The following SCAF4 variants were observed in gnomAD, a reference collection of about 807,000 sequenced individuals.
SCAF4 encodes SR-related CTD associated factor 4, also known as SR-related and CTD-associated factor 4.
SCAF4 carries 25 observed loss-of-function variants against 129.8 expected under a neutral mutation model. The ratio of observed to expected loss-of-function variants is 0.19; its 90% CI spans 0.14 to 0.27. The LOEUF (loss-of-function observed/expected upper bound fraction) is 0.27. Ranked by LOEUF, SCAF4 falls within the 10% of genes least tolerant of loss-of-function variation. The probability of loss-of-function intolerance (pLI) is 1.00; values close to 1 mark genes in which losing one functional copy is unlikely to be tolerated. For synonymous variants in SCAF4, 551 were observed against 497.7 expected (o/e 1.11, Z -1.43); for missense variants, 1,246 against 1,457.1 (o/e 0.86, Z 2.36).
At chr21:31,686,407 A>G (rs75792614) in intron 16 of SCAF4, among the ~76,000 whole-genome samples, 2,929 of 152,236 alleles carry the variant, frequency 0.019, 93 homozygotes, top group African/African-American at 0.067. Context: ...ACAATGGCTA[A>G]GATCACAGGT....
chr21:31,706,383 AG>A (rs1266339266), intron 1 of SCAF4, 26 bp from the exon 2 acceptor site: 2 of 1,493,672 alleles, frequency 1.3e-6, no homozygotes, highest in South Asian at 1.2e-5. Flanking sequence ...ACAAACAAAA[AG>A]TAAAGTTTAA....
chr21:31,704,594 C>T (rs147265653), intron 3 of SCAF4, among the ~76,000 whole-genome samples: 196 of 151,148 alleles, frequency 1.3e-3, no homozygotes, highest in African/African-American at 4.6e-3. Flanking sequence ...CTGTAACAAC[C>T]GCAGAGGAGT....
In SCAF4 at chr21:31,690,962, C is replaced by T. The variant is rs773632592; in HGVS notation, c.1729-9G>A. On this transcript the variant is annotated splice_polypyrimidine_tract_variant and intron_variant, in intron 14 of 19. Transcript: ENST00000286835. ...TTTAAGGCCCAGGCAATCTATTTCACCATTAGTGAAAATATAAAAAGAAAA... is the reference window on the plus strand; with the variant it reads ...TTTAAGGCCCAGGCAATCTATTTCATCATTAGTGAAAATATAAAAAGAAAA... 8.1e-6 allele frequency: 13 copies of T among 1,596,260 alleles called. No homozygotes were observed. Among genetic ancestry groups the T allele is most frequent in the Middle Eastern group, 1.7e-4 (1 of 5,978 alleles).
intron 1 of SCAF4, among the ~76,000 whole-genome samples, chr21:31,731,282 T>C (rs2051348728): frequency 2.0e-5 from 3 of 152,288 alleles, no homozygotes; most frequent in South Asian, 4.1e-4. Context: ...GCTTCTTTCT[T>C]AGCCCTTTGC....
chr21:31,673,665 T>C (rs972850239), intron 19 of SCAF4, among the ~76,000 whole-genome samples: 4 of 152,220 alleles, frequency 2.6e-5, no homozygotes, highest in African/African-American at 4.8e-5. Flanking sequence ...ACCGAGTATA[T>C]ACCATACACT....
intron 14 of SCAF4, among the ~76,000 whole-genome samples, 200 bp downstream of exon 14, chr21:31,691,617 C>T (rs528275698): frequency 7.5e-5 from 11 of 147,228 alleles, no homozygotes; most frequent in Non-Finnish European, 1.3e-4. Flanking sequence ...CTACCATGCA[C>T]GTAACATTTA....
intron 19 of SCAF4, among the ~76,000 whole-genome samples, chr21:31,680,172 G>C (rs2049964241): frequency 6.6e-6 from 1 of 152,132 alleles, no homozygotes; most frequent in South Asian, 2.1e-4. Flanking sequence ...TTGCACTCTG[G>C]AGCAGCCTAA....
intron 15 of SCAF4, 64 bp downstream of exon 15, chr21:31,690,733 C>A: frequency 1.4e-6 from 2 of 1,449,960 alleles, no homozygotes; most frequent in Non-Finnish European, 1.9e-6. Flanking sequence ...ACAGGACATT[C>A]GATTTGTCAT....
chr21:31,671,758 CACGGTTACTATTATCTCTATCATCATT>C lies in SCAF4; in HGVS notation c.3058_3084del (p.Asn1020_Arg1028del), dbSNP rs987814767. ...CTCCTCCTTCCCCACTCTCTCCTGT[CACGGTTACTATTATCTCTATCATCATT>C]ACGGTTCCCATACCGTTCCCGGTCA... On this transcript the variant is annotated inframe_deletion, in exon 20 of 20. Transcript: ENST00000286835. The C allele has an allele frequency of 1.3e-5, 21 of 1,614,198 alleles. No homozygotes were observed. The highest frequency in any genetic ancestry group is 1.8e-5 in the Non-Finnish European group (21 of 1,180,020).
chr21:31,672,417 G>T, intron 19 of SCAF4, 63 bp from the exon 20 acceptor site: 2 of 1,255,682 alleles, frequency 1.6e-6, no homozygotes, highest in Non-Finnish European at 2.3e-6. Flanking sequence ...TTTCAGCTGT[G>T]TTCTGTGGCG....
intron 7 of SCAF4, among the ~76,000 whole-genome samples, chr21:31,700,366 A>G (rs1452809751): frequency 1.3e-5 from 2 of 152,020 alleles, no homozygotes; most frequent in African/African-American, 4.8e-5. Context: ...TCGACCTCCC[A>G]AAGTGTTGGG....
chr21:31,730,932 G>T (rs754990761), intron 1 of SCAF4, among the ~76,000 whole-genome samples: 11 of 152,172 alleles, frequency 7.2e-5, no homozygotes, highest in Non-Finnish European at 1.6e-4. Context: ...GGAGGACAAC[G>T]CCAGCTTTCT....
intron 19 of SCAF4, among the ~76,000 whole-genome samples, chr21:31,675,059 C>T (rs990035773): frequency 2.6e-5 from 4 of 152,088 alleles, no homozygotes; most frequent in African/African-American, 9.7e-5. Flanking sequence ...ACGTTACTAT[C>T]AAGACATTAC....
intron 1 of SCAF4, among the ~76,000 whole-genome samples, chr21:31,723,628 G>C (rs2051129018): frequency 7.1e-6 from 1 of 139,972 alleles, no homozygotes; most frequent in Admixed American, 7.9e-5. Context: ...GTGTGTGTGT[G>C]TGCGCGCGCG....
At chr21:31,691,086 C>A in intron 14 of SCAF4, 133 bp from the exon 15 acceptor site, 1 of 623,248 alleles carries the variant, frequency 1.6e-6, no homozygotes, top group Non-Finnish European at 2.7e-6. Context: ...AGGCTTGGAT[C>A]TCATTCAAAG....
At chr21:31,696,072 T>C (rs772235511) in intron 9 of SCAF4, 41 bp downstream of exon 9, 19 of 1,427,542 alleles carry the variant, frequency 1.3e-5, no homozygotes, top group Admixed American at 1.7e-5. Flanking sequence ...CGCTCTATAA[T>C]GAATAGATCT....
At chr21:31,714,179 T>C (rs572001425) in intron 1 of SCAF4, among the ~76,000 whole-genome samples, 25 of 152,228 alleles carry the variant, frequency 1.6e-4, no homozygotes, top group Admixed American at 2.0e-4. Context: ...AGTTTTTGTA[T>C]ATGGAATGAC....
At position 31,671,930 on chromosome 21, in the gene SCAF4, T is replaced by C. The variant is rs2049711199; in HGVS notation, c.2913A>G (p.Gln971=). 2 of 1,611,480 alleles carry C rather than the reference T, an allele frequency of 1.2e-6. No individual in the cohort carries two copies. Among genetic ancestry groups the C allele is most frequent in the Non-Finnish European group, 1.7e-6 (2 of 1,178,060 alleles). ...GCTGCTGCTGTGTTGGTGGAGGCTG[T>C]TGTGATGGTGGTGGCTGCTGCTGCT... ...QQQQQQPPPS[Q]QPPPTQQQPQ... Residue 971 remains glutamine, a synonymous_variant, in exon 20 of 20, where the codon CAA becomes CAG. Coordinates refer to ENST00000286835, the MANE Select transcript of SCAF4 (RefSeq NM_020706.2).
chr21:31,690,991 A>T, intron 14 of SCAF4, 38 bp from the exon 15 acceptor site: 1 of 1,563,838 alleles, frequency 6.4e-7, no homozygotes, highest in Non-Finnish European at 8.7e-7. Context: ...AAGAAAACAA[A>T]GCAAGGTCGT....
Sources: gnomAD v4.1 joint callset for allele counts (sites outside exome capture counted in the v4.1 genomes callset) on GRCh38, gnomAD v4.1.1 for gene constraint, MANE v1.5 for transcripts, NCBI Gene and HGNC (gene_info 2026-07-23, HGNC 2026-07-21) for gene names.